The following ABCC2 variants were observed in gnomAD, a reference collection of about 807,000 sequenced individuals.
The protein encoded by ABCC2 is ATP binding cassette subfamily C member 2.
A neutral mutation model predicts 173.4 loss-of-function variants in ABCC2; 157 were observed. The ratio of observed to expected loss-of-function variants is 0.91; its 90% CI spans 0.80 to 1.03. The LOEUF (loss-of-function observed/expected upper bound fraction) is 1.03, where lower values mean the gene tolerates loss of function less well. ABCC2 is among the 50% of genes least tolerant of loss of function. The pLI, the probability that ABCC2 is intolerant of heterozygous loss-of-function variation, is 0.00. For missense variants in ABCC2, 1,822 were observed against 1,852.3 expected, an observed-to-expected ratio of 0.98 and a Z score of 0.30; for synonymous variants, 657 against 693.5, an observed-to-expected ratio of 0.95 and a Z score of 0.83.
At chr10:99,798,424 C>T (rs932791444) in intron 7 of ABCC2, among the ~76,000 whole-genome samples, 1 of 152,086 alleles carries the variant, frequency 6.6e-6, no homozygotes. Flanking sequence ...TATTAGTTTC[C>T]TAGGGCTGCC....
chr10:99,841,851 A>G lies in ABCC2; in HGVS notation c.3615-116A>G, dbSNP rs1232071399. ...TCTAAGTCAAATTGAGGCATTGCCTAAGAGTGCGGCCCGATCAAGTCAAAC... is the reference window on the plus strand; with the variant it reads ...TCTAAGTCAAATTGAGGCATTGCCTGAGAGTGCGGCCCGATCAAGTCAAAC... On this transcript the variant is annotated intron_variant, in intron 25 of 31. Transcript: ENST00000647814. 2.1e-6 allele frequency: 3 copies of G among 1,422,514 alleles called. No homozygotes were observed. The Admixed American group carries it at 5.6e-5, about 26-fold the overall frequency. The allele number at this position is 1,422,514 out of a possible 1,614,324, so 88.1% of individuals were successfully genotyped here.
At position 99,814,492 on chromosome 10, in the gene ABCC2, A is replaced by ATGTGTGTATAT. The variant is rs2038329539; in HGVS notation, c.2094+1348_2094+1349insTGTGTGTATAT. Among the ~76,000 whole-genome samples, 2 of 125,464 alleles carry ATGTGTGTATAT rather than the reference A, an allele frequency of 1.6e-5. 1 individual carries two copies. The highest frequency in any genetic ancestry group is 5.8e-5 in the African/African-American group (2 of 34,250). 82.3% of individuals were successfully genotyped at this position (125,464 alleles called of 152,430 possible). A position where few individuals can be genotyped will look rare whatever the true frequency, so the allele number is the denominator to read the frequency against. On this transcript the variant is annotated intron_variant, in intron 16 of 31. Coordinates refer to ENST00000647814, the MANE Select transcript of ABCC2 (RefSeq NM_000392.5). The stretch of plus-strand genomic sequence containing the variant: ...ATATGTGTGTATATACATACACACA[A>ATGTGTGTATAT]ACATATATGTGTGTGTATGTGTATA...
chr10:99,814,359 A>G (rs1336841295), intron 16 of ABCC2, among the ~76,000 whole-genome samples: 14 of 118,112 alleles, frequency 1.2e-4, no homozygotes, highest in Non-Finnish European at 1.6e-4. Flanking sequence ...ACGTATGTAT[A>G]CACACATGTA....
In ABCC2 at chr10:99,843,868, C is replaced by A; in HGVS notation, c.3811C>A (p.Arg1271=). ...EIETNIVAVE[R]ITEYTKVENE... The stretch of plus-strand genomic sequence containing the variant: ...AGAGACCAACATTGTGGCTGTTGAG[C>A]GAATAACTGAGTACACAAAAGTGGA... Residue 1271 remains arginine (R), a synonymous_variant, in exon 27 of 32, where the codon CGA becomes AGA. Coordinates refer to ENST00000647814, the MANE Select transcript of ABCC2 (RefSeq NM_000392.5). 1 of 1,613,984 alleles carries A rather than the reference C, an allele frequency of 6.2e-7. No homozygotes were observed. Among genetic ancestry groups the A allele is most frequent in the Non-Finnish European group, 8.5e-7 (1 of 1,179,996 alleles).
intron 19 of ABCC2, among the ~76,000 whole-genome samples, chr10:99,829,780 T>C (rs1409877292): frequency 6.6e-6 from 1 of 152,078 alleles, no homozygotes; most frequent in Non-Finnish European, 1.5e-5. Context: ...GCATGCACCA[T>C]CACACCCTGC....
chr10:99,845,199 T>A (rs1193779773), intron 28 of ABCC2, among the ~76,000 whole-genome samples: 1 of 151,878 alleles, frequency 6.6e-6, no homozygotes, highest in Non-Finnish European at 1.5e-5. Context: ...CTGGCTAATT[T>A]TTTTTGTATT....
At position 99,851,565 on chromosome 10, in the gene ABCC2, C is replaced by A. The variant is rs1462204514; in HGVS notation, c.4572C>A (p.Ile1524=). 1.2e-6 allele frequency: 2 copies of A among 1,614,118 alleles called. No individual in the cohort carries two copies. Among genetic ancestry groups the A allele is most frequent in the Admixed American group, 1.7e-5 (1 of 60,018 alleles). ...GCAGCCCTGAAGAACTGCTACAAATCCCTGGACCCTTTTACTTTATGGCTA... is the reference window on the plus strand; with the variant it reads ...GCAGCCCTGAAGAACTGCTACAAATACCTGGACCCTTTTACTTTATGGCTA... ...ECGSPEELLQ[I]PGPFYFMAKE... is the part of the protein sequence containing the mutation. Residue 1524 remains isoleucine (I), a synonymous_variant, in exon 32 of 32, where the codon ATC becomes ATA. Coordinates refer to ENST00000647814, the MANE Select transcript of ABCC2 (RefSeq NM_000392.5).
intron 19 of ABCC2, among the ~76,000 whole-genome samples, chr10:99,826,748 C>T (rs371551590): frequency 8.8e-5 from 11 of 124,454 alleles, no homozygotes; most frequent in South Asian, 5.4e-4. Context: ...GTGAGAGAGA[C>T]GATTTTGCCA....
In ABCC2 at chr10:99,850,947, C is replaced by A. The variant is rs1264610148; in HGVS notation, c.4508+151C>A. 4 of 988,088 alleles carry A rather than the reference C, an allele frequency of 4.0e-6. No homozygotes were observed. The African/African-American group carries it at 4.8e-5, about 12-fold the overall frequency. 61.2% of individuals were successfully genotyped at this position (988,088 alleles called of 1,614,324 possible). ...GACTTAGAGATGTCAAGTAATCTGG[C>A]CAAAATTTTACATCACGCAAATGAA... is the stretch of plus-strand genomic sequence containing the variant. On this transcript the variant is annotated intron_variant, in intron 31 of 31. Coordinates refer to ENST00000647814, the MANE Select transcript of ABCC2 (RefSeq NM_000392.5).
chr10:99,847,036 A>T lies in ABCC2; in HGVS notation c.4222A>T (p.Lys1408Ter). The T allele has an allele frequency of 6.2e-7, 1 of 1,614,208 alleles. No individual in the cohort carries two copies. Among genetic ancestry groups the T allele is most frequent in the Non-Finnish European group, 8.5e-7 (1 of 1,180,028 alleles). The change falls in exon 30 of 32, where the codon AAG becomes TAG. Residue 1408 changes from lysine (K) to a stop codon, truncating the protein, a stop_gained. Coordinates refer to ENST00000647814, the MANE Select transcript of ABCC2 (RefSeq NM_000392.5). LOFTEE classifies it high-confidence loss of function. Reference sequence around the variant, plus strand: ...CAACTACTCAGATGAGGAGATTTGGAAGGCCTTGGAGCTGGCTCACCTCAA... The same window carrying T: ...CAACTACTCAGATGAGGAGATTTGGTAGGCCTTGGAGCTGGCTCACCTCAA... ...FNNYSDEEIW[K>*]ALELAHLKSF...
rs148300008 is a variant in ABCC2, at chr10:99,810,163, G to C, written c.1845G>C (p.Lys615Asn). ...GTGTTTCCACAGAGCGGCTAGAGAAGTACTTGGGAGGGGATGACTTGGACA... is the reference window on the plus strand; with the variant it reads ...GTGTTTCCACAGAGCGGCTAGAGAACTACTTGGGAGGGGATGACTTGGACA... ...QASVSTERLEKYLGGDDLDTS... is the reference protein window; with the variant it reads ...QASVSTERLENYLGGDDLDTS... The change falls in exon 14 of 32, where the codon AAG (lysine) becomes AAC (asparagine). Residue 615 changes from lysine (K) to asparagine (N), a missense_variant. Physicochemically the swap from Lys to Asn is moderately conservative, Grantham distance 94. Coordinates refer to ENST00000647814, the MANE Select transcript of ABCC2 (RefSeq NM_000392.5). 1 of 1,613,658 alleles carries C rather than the reference G, an allele frequency of 6.2e-7. No individual in the cohort carries two copies. The highest frequency in any genetic ancestry group is 1.1e-5 in the South Asian group (1 of 91,080).
chr10:99,797,059 G>A (rs1461432846), intron 6 of ABCC2, 38 bp from the exon 7 acceptor site: 1 of 1,595,778 alleles, frequency 6.3e-7, no homozygotes, highest in Non-Finnish European at 8.6e-7. Flanking sequence ...CTCTGACCCA[G>A]CCTGGGGGTC....
At chr10:99,814,176 CATGT>C (rs2038281817) in intron 16 of ABCC2, among the ~76,000 whole-genome samples, 1 of 96,158 alleles carries the variant, frequency 1.0e-5, no homozygotes, top group Non-Finnish European at 2.2e-5. Context: ...TATATACACA[CATGT>C]ATGTATACAC....
chr10:99,822,570 C>A (rs941639915), intron 19 of ABCC2, among the ~76,000 whole-genome samples: 2 of 151,454 alleles, frequency 1.3e-5, no homozygotes, highest in Non-Finnish European at 2.9e-5. Context: ...CACGTTATCA[C>A]CTTCCCTATT....
In ABCC2 at chr10:99,814,604, T is replaced by TGTGTATATACACATATACACAC. The variant is rs1564685525; in HGVS notation, c.2094+1460_2094+1461insGTGTATATACACATATACACAC. ...GTGTATATACACATATACACACACA[T>TGTGTATATACACATATACACAC]ATGTGTATATACACATATACACACA... On this transcript the variant is annotated intron_variant, in intron 16 of 31. Coordinates refer to ENST00000647814, the MANE Select transcript of ABCC2 (RefSeq NM_000392.5). Among the ~76,000 whole-genome samples the TGTGTATATACACATATACACAC allele has an allele frequency of 1.5e-3, 159 of 102,896 alleles. 16 individuals are homozygous for TGTGTATATACACATATACACAC. Among genetic ancestry groups the TGTGTATATACACATATACACAC allele is most frequent in the African/African-American group, 3.0e-3 (84 of 27,708 alleles). 67.5% of individuals were successfully genotyped at this position (102,896 alleles called of 152,430 possible).
At chr10:99,792,954 C>T in intron 3 of ABCC2, among the ~76,000 whole-genome samples, 1 of 152,190 alleles carries the variant, frequency 6.6e-6, no homozygotes, top group East Asian at 1.9e-4. Context: ...GTCAGCTGGG[C>T]CTCAGTAGCA....
Position 99,844,485 on chromosome 10 carries a change from G to A in ABCC2, c.3987+20G>A, listed in dbSNP as rs2038989462. 6.2e-7 allele frequency: 1 copy of A among 1,611,470 alleles called. No individual in the cohort carries two copies. The highest frequency in any genetic ancestry group is 8.5e-7 in the Non-Finnish European group (1 of 1,179,970). On this transcript the variant is annotated intron_variant, in intron 28 of 31. Coordinates refer to ENST00000647814, the MANE Select transcript of ABCC2 (RefSeq NM_000392.5). The stretch of plus-strand genomic sequence containing the variant: ...GAGAAGGTAGGTGGAGTGAAGGAAG[G>A]CCTGGATGGGAGGCCTTGTGATCAA...
At chr10:99,830,879 T>C in intron 21 of ABCC2, 28 bp downstream of exon 21, 2 of 1,613,352 alleles carry the variant, frequency 1.2e-6, no homozygotes, top group Non-Finnish European at 1.7e-6. Context: ...AAGTAGCATT[T>C]GAGGTGTTAT....
intron 9 of ABCC2, among the ~76,000 whole-genome samples, chr10:99,803,046 G>A (rs1318848769): frequency 6.6e-6 from 1 of 152,138 alleles, no homozygotes; most frequent in East Asian, 1.9e-4. Flanking sequence ...TCGGCTCACT[G>A]CAACCTCCGC....
Sources: allele counts gnomAD v4.1 joint callset (sites outside exome capture counted in the v4.1 genomes callset), GRCh38; gene constraint gnomAD v4.1.1; transcripts MANE v1.5; gene names NCBI Gene and HGNC (gene_info 2026-07-23, HGNC 2026-07-21).